Variants in COLEC11 observed in about 807,000 individuals in gnomAD.
The protein encoded by COLEC11 is collectin-11.
COLEC11 carries 20 observed loss-of-function variants against 27.3 expected under a neutral mutation model. That is an observed-to-expected ratio of 0.73 (90% CI 0.51 to 1.06). COLEC11 has a LOEUF of 1.06. Ranked by LOEUF, COLEC11 falls within the 50% of genes least tolerant of loss-of-function variation. COLEC11 has a pLI of 0.00. For missense variants in COLEC11, 310 were observed against 383.0 expected, an observed-to-expected ratio of 0.81 and a Z score of 1.59; for synonymous variants, 163 against 154.7, an observed-to-expected ratio of 1.05 and a Z score of -0.40.
intron 1 of COLEC11, among the ~76,000 whole-genome samples, chr2:3,599,529 C>T (rs1662075790): frequency 6.6e-6 from 1 of 152,252 alleles, no homozygotes; most frequent in African/African-American, 2.4e-5. Context: ...ATGTGCCACA[C>T]TGGGTCACGG....
chr2:3,613,465 G>A, intron 3 of COLEC11, 83 bp downstream of exon 3: 1 of 1,437,886 alleles, frequency 7.0e-7, no homozygotes. Context: ...AGGTGGGGGT[G>A]GTGGTTCCAG....
rs1340291952 is a variant in COLEC11, at chr2:3,637,415, T to G, written c.203-118T>G. Reference sequence around the variant, plus strand: ...ATGTAGAGCTGTCTTTCTTAGTCTCTTCTATGTGCCTGTGATGTAGGAAGG... The same window carrying G: ...ATGTAGAGCTGTCTTTCTTAGTCTCGTCTATGTGCCTGTGATGTAGGAAGG... On this transcript the variant is annotated intron_variant, in intron 3 of 6. Coordinates refer to ENST00000349077, the MANE Select transcript of COLEC11 (RefSeq NM_024027.5). 13 of 778,344 alleles carry G rather than the reference T, an allele frequency of 1.7e-5. No individual in the cohort carries two copies. In the Admixed American group the frequency reaches 1.9e-4, roughly 11 times the overall value. The allele number at this position is 778,344 out of a possible 1,614,324, so 48.2% of individuals were successfully genotyped here. A position where few individuals can be genotyped will look rare whatever the true frequency, so the allele number is the denominator to read the frequency against.
At chr2:3,630,091 TTGCA>T (rs1664876870) in intron 3 of COLEC11, among the ~76,000 whole-genome samples, 7 of 151,768 alleles carry the variant, frequency 4.6e-5, no homozygotes, top group Admixed American at 4.6e-4. Context: ...ATGTGTATGT[TTGCA>T]TGCACATGTA....
intron 2 of COLEC11, chr2:3,605,668 C>T (rs569050418): frequency 4.1e-5 from 8 of 194,402 alleles, no homozygotes; most frequent in African/African-American, 1.7e-4. Flanking sequence ...ATCCGCGGTC[C>T]GCTTGGGCCT....
chr2:3,625,611 TTTC>T (rs1227038793), intron 3 of COLEC11, among the ~76,000 whole-genome samples: 4 of 132,226 alleles, frequency 3.0e-5, no homozygotes, highest in Non-Finnish European at 6.3e-5. Flanking sequence ...GAAAGTTTCT[TTTC>T]TTCTTTTTTA....
At chr2:3,639,706 G>T (rs967495625) in intron 4 of COLEC11, among the ~76,000 whole-genome samples, 3 of 152,244 alleles carry the variant, frequency 2.0e-5, no homozygotes, top group African/African-American at 7.2e-5. Flanking sequence ...GAGGGGCAGG[G>T]TGGTGAGGTG....
At chr2:3,595,559 G>A (rs17017684) in intron 1 of COLEC11, among the ~76,000 whole-genome samples, 4 of 152,108 alleles carry the variant, frequency 2.6e-5, no homozygotes, top group African/African-American at 7.2e-5. Flanking sequence ...CCTGAGCAGC[G>A]TCTGACGGGC....
chr2:3,598,938 T>A (rs1451591740), intron 1 of COLEC11, among the ~76,000 whole-genome samples: 1 of 152,234 alleles, frequency 6.6e-6, no homozygotes, highest in Non-Finnish European at 1.5e-5. Context: ...CAACGTATAT[T>A]GGCTCCTTGT....
intron 3 of COLEC11, among the ~76,000 whole-genome samples, chr2:3,625,332 T>C (rs553525646): frequency 2.0e-5 from 3 of 152,284 alleles, no homozygotes; most frequent in Admixed American, 2.0e-4. Flanking sequence ...AGGGTGAGCC[T>C]GAGGCAGGAT....
At chr2:3,628,442 C>A (rs1218883449) in intron 3 of COLEC11, among the ~76,000 whole-genome samples, 2 of 152,248 alleles carry the variant, frequency 1.3e-5, no homozygotes, top group Non-Finnish European at 2.9e-5. Flanking sequence ...TAACAGCACC[C>A]AGGTGCTGCT....
At chr2:3,608,904 G>T (rs529775995) in intron 2 of COLEC11, among the ~76,000 whole-genome samples, 1 of 152,350 alleles carries the variant, frequency 6.6e-6, no homozygotes, top group Admixed American at 6.5e-5. Flanking sequence ...AACCAGCACG[G>T]TGTCTTCCAG....
At chr2:3,636,771 C>T (rs2147952552) in intron 3 of COLEC11, among the ~76,000 whole-genome samples, 1 of 152,156 alleles carries the variant, frequency 6.6e-6, no homozygotes, top group East Asian at 1.9e-4. Context: ...ACTCCACCCT[C>T]TGGCTTAGTT....
chr2:3,604,184 C>T, intron 1 of COLEC11, 131 bp from the exon 2 acceptor site: 2 of 963,006 alleles, frequency 2.1e-6, no homozygotes, highest in South Asian at 2.9e-5. Context: ...TGAGGAGCAC[C>T]CGCCATGGGG....
chr2:3,609,350 TGA>T (rs374645452), intron 2 of COLEC11, among the ~76,000 whole-genome samples: 572 of 22,920 alleles, frequency 0.025, no homozygotes, highest in South Asian at 0.074. Flanking sequence ...TATTTTTCTT[TGA>T]TTTTTTTTTT....
chr2:3,607,974 C>T (rs1014764093), intron 2 of COLEC11, among the ~76,000 whole-genome samples: 7 of 152,196 alleles, frequency 4.6e-5, no homozygotes, highest in African/African-American at 1.7e-4. Context: ...TTGTTGTGGC[C>T]AGCAGGGATG....
intron 2 of COLEC11, 144 bp from the exon 3 acceptor site, chr2:3,613,167 G>T (rs1204797629): frequency 1.2e-6 from 1 of 832,728 alleles, no homozygotes; most frequent in Non-Finnish European, 2.0e-6. Flanking sequence ...TGGGCTGCAG[G>T]CGGGGAGGGA....
chr2:3,613,803 G>A (rs1259013394), intron 3 of COLEC11, among the ~76,000 whole-genome samples: 2 of 152,162 alleles, frequency 1.3e-5, no homozygotes, highest in Non-Finnish European at 2.9e-5. Flanking sequence ...TGCCTGCCTC[G>A]TGGGACTGTG....
rs1418103907 is a variant in COLEC11 at position 3,602,959 on chromosome 2, G to A, written c.-26-1356G>A. On this transcript the variant is annotated intron_variant, in intron 1 of 6. Coordinates refer to ENST00000349077, the MANE Select transcript of COLEC11 (RefSeq NM_024027.5). The surrounding 1 kb of genome is among the most constrained non-coding windows in gnomAD (Gnocchi z 6.2). ...TCTGTCTGTCTGTCTCTTCCAATAGGAATAAAAACATAAATGTTCTTGCTC... is the reference window on the plus strand; with the variant it reads ...TCTGTCTGTCTGTCTCTTCCAATAGAAATAAAAACATAAATGTTCTTGCTC... 6.6e-6 allele frequency among the ~76,000 whole-genome samples: 1 copy of A among 152,160 alleles called. No individual in the cohort carries two copies. Among genetic ancestry groups the A allele is most frequent in the African/African-American group, 2.4e-5 (1 of 41,424 alleles).
intron 3 of COLEC11, among the ~76,000 whole-genome samples, chr2:3,636,002 C>G (rs1184860397): frequency 6.6e-6 from 1 of 152,260 alleles, no homozygotes; most frequent in Non-Finnish European, 1.5e-5. Flanking sequence ...TCACTGAAGT[C>G]TGTGTTCCAT....
Sources: gnomAD v4.1 joint callset for allele counts (sites outside exome capture counted in the v4.1 genomes callset) on GRCh38, gnomAD v4.1.1 for gene constraint, Gnocchi (gnomAD v3.1) non-coding constraint, MANE v1.5 for transcripts, NCBI Gene and HGNC (gene_info 2026-07-23, HGNC 2026-07-21) for gene names.